RANBP2: variants seen among roughly 807,000 people sequenced by gnomAD.
RANBP2 encodes E3 SUMO-protein ligase RanBP2.
RANBP2 carries 57 observed loss-of-function variants against 303.6 expected under a neutral mutation model. That is an observed-to-expected ratio of 0.19 (90% CI 0.15 to 0.23). The LOEUF (loss-of-function observed/expected upper bound fraction) is 0.23, where lower values mean the gene tolerates loss of function less well. Among genes scored for constraint, RANBP2 ranks in the 10% least tolerant of loss-of-function variants. The pLI, the probability that RANBP2 is intolerant of heterozygous loss-of-function variation, is 1.00. For missense variants in RANBP2, 3,138 were observed against 3,780.8 expected, an observed-to-expected ratio of 0.83 and a Z score of 4.46; for synonymous variants, 1,167 against 1,301.5, an observed-to-expected ratio of 0.90 and a Z score of 2.23.
At chr2:108,761,820 A>G (rs1232533726) in intron 18 of RANBP2, among the ~76,000 whole-genome samples, 3 of 152,134 alleles carry the variant, frequency 2.0e-5, no homozygotes, top group African/African-American at 7.2e-5. Flanking sequence ...GGCAACAGTT[A>G]CTTTCTTCTT....
At chr2:109,493,422 A>G in the RANBP2 span, among the ~76,000 whole-genome samples, 1 of 151,634 alleles carries the variant, frequency 6.6e-6, no homozygotes, top group African/African-American at 2.4e-5. Flanking sequence ...TACATCATGC[A>G]AACACAGACT....
At chr2:109,626,618 A>G in the RANBP2 span, among the ~76,000 whole-genome samples, 1 of 152,168 alleles carries the variant, frequency 6.6e-6, no homozygotes, top group African/African-American at 2.4e-5. Context: ...TGGGGAGGTA[A>G]GGCTGCTGTG....
At chr2:109,454,185 G>A in the RANBP2 span, among the ~76,000 whole-genome samples, 1 of 152,138 alleles carries the variant, frequency 6.6e-6, no homozygotes, top group African/African-American at 2.4e-5. Flanking sequence ...AATAAAATAG[G>A]AGGAAATACT....
chr2:109,136,892 C>T, the RANBP2 span, among the ~76,000 whole-genome samples: 1 of 152,140 alleles, frequency 6.6e-6, no homozygotes. Flanking sequence ...AGCAAGACCT[C>T]ACCAGAGAAT....
At chr2:108,948,314 G>A in the RANBP2 span, among the ~76,000 whole-genome samples, 4 of 152,166 alleles carry the variant, frequency 2.6e-5, no homozygotes, top group East Asian at 1.9e-4. Flanking sequence ...AGTTCCAAAC[G>A]TTCCCATGTC....
the RANBP2 span, among the ~76,000 whole-genome samples, chr2:109,696,382 T>A: frequency 2.0e-5 from 3 of 152,152 alleles, no homozygotes; most frequent in Admixed American, 6.5e-5. Flanking sequence ...AGATTCCTTA[T>A]GGATATCTGA....
At chr2:109,203,931 C>T in the RANBP2 span, among the ~76,000 whole-genome samples, 1 of 152,154 alleles carries the variant, frequency 6.6e-6, no homozygotes, top group Non-Finnish European at 1.5e-5. Context: ...CTGTTGTGGC[C>T]CCAAGGCCTC....
the RANBP2 span, among the ~76,000 whole-genome samples, chr2:109,747,624 T>A: frequency 6.6e-6 from 1 of 151,190 alleles, no homozygotes; most frequent in Non-Finnish European, 1.5e-5. Flanking sequence ...GGTGGGTGCC[T>A]GTAATTCCAG....
the RANBP2 span, among the ~76,000 whole-genome samples, chr2:108,891,965 C>A: frequency 7.9e-3 from 1,203 of 152,188 alleles, 15 homozygotes; most frequent in African/African-American, 0.027. Context: ...GTTCCCAGGA[C>A]CCCAGAATAT....
chr2:109,260,105 C>CT, the RANBP2 span, among the ~76,000 whole-genome samples: 1 of 152,072 alleles, frequency 6.6e-6, no homozygotes, highest in Non-Finnish European at 1.5e-5. Context: ...GAGAGGCTCT[C>CT]TGGGATCTTT....
the RANBP2 span, chr2:109,614,666 G>A: frequency 2.0e-6 from 3 of 1,482,096 alleles, no homozygotes; most frequent in Admixed American, 4.6e-5. Flanking sequence ...TCAAGGAGCT[G>A]GTGAACGCCG....
chr2:109,019,860 T>C, the RANBP2 span, among the ~76,000 whole-genome samples: 13 of 152,328 alleles, frequency 8.5e-5, no homozygotes, highest in South Asian at 2.5e-3. Flanking sequence ...TTACTGAGTT[T>C]TGGCTCCTGT....
the RANBP2 span, among the ~76,000 whole-genome samples, chr2:109,506,433 TAGAG>T: frequency 1.4e-4 from 22 of 152,140 alleles, no homozygotes; most frequent in Admixed American, 5.9e-4. Context: ...CATTTGATCT[TAGAG>T]AGGCACCTAA....
At chr2:109,275,239 C>T in the RANBP2 span, among the ~76,000 whole-genome samples, 7 of 152,186 alleles carry the variant, frequency 4.6e-5, no homozygotes, top group African/African-American at 1.2e-4. Context: ...GAGGCTGCCA[C>T]GTGAGACTGA....
At chr2:109,493,995 GT>G in the RANBP2 span, among the ~76,000 whole-genome samples, 5 of 152,274 alleles carry the variant, frequency 3.3e-5, no homozygotes, top group Middle Eastern at 3.4e-3. Context: ...TGCTGCCTGT[GT>G]TTTCCGGATG....
the RANBP2 span, chr2:109,574,443 T>TAAAAAAA: frequency 7.4e-6 from 2 of 271,396 alleles, no homozygotes; most frequent in African/African-American, 3.0e-5. Context: ...ACTTTATCTC[T>TAAAAAAA]AAAAAAAAAA....
the RANBP2 span, among the ~76,000 whole-genome samples, chr2:108,840,853 C>T: frequency 6.6e-6 from 1 of 150,808 alleles, no homozygotes; most frequent in Admixed American, 6.6e-5. Context: ...ACTCTCTTAC[C>T]TAGGCTGGAA....
chr2:109,547,965 G>A, the RANBP2 span, among the ~76,000 whole-genome samples: 6 of 152,112 alleles, frequency 3.9e-5, no homozygotes, highest in Admixed American at 2.0e-4. Context: ...TGGGAGCAAC[G>A]TCTCCCTGAG....
At chr2:108,789,767 G>T (rs1679592102), downstream of RANBP2, among the ~76,000 whole-genome samples, 2 of 152,142 alleles carry the variant, frequency 1.3e-5, no homozygotes, top group Non-Finnish European at 2.9e-5. Context: ...ACAGTGCTGG[G>T]TTAAAAGAAG....
Sources: gnomAD v4.1 joint callset for allele counts (sites outside exome capture counted in the v4.1 genomes callset) on GRCh38, gnomAD v4.1.1 for gene constraint, MANE v1.5 for transcripts, NCBI Gene and HGNC (gene_info 2026-07-23, HGNC 2026-07-21) for gene names.